BAIAP2L1: variants seen among roughly 807,000 people sequenced by gnomAD.
BAIAP2L1 encodes BAR/IMD domain-containing adapter protein 2-like 1.
Under a neutral mutation model 66.3 loss-of-function variants are expected in BAIAP2L1, and 35 were observed. The observed-to-expected ratio is 0.53, with a 90% confidence interval of 0.40 to 0.70. BAIAP2L1 has a LOEUF of 0.70. Ranked by LOEUF, BAIAP2L1 falls within the 30% of genes least tolerant of loss-of-function variation. The pLI is 0.00. For missense variants in BAIAP2L1, 622 were observed against 656.9 expected (o/e 0.95, Z 0.58); for synonymous variants, 269 against 248.7 (o/e 1.08, Z -0.77).
chr7:98,341,246 C>T (rs896412316), intron 3 of BAIAP2L1, among the ~76,000 whole-genome samples: 1 of 152,160 alleles, frequency 6.6e-6, no homozygotes, highest in East Asian at 1.9e-4. Context: ...GTGATTACAG[C>T]TGAGAAAAAT....
chr7:98,381,067 C>T (rs964383382), intron 1 of BAIAP2L1, among the ~76,000 whole-genome samples: 4 of 152,266 alleles, frequency 2.6e-5, no homozygotes, highest in Non-Finnish European at 2.9e-5. Context: ...CCTATGGAGC[C>T]GTCCACAGCC....
chr7:98,306,654 G>A, intron 10 of BAIAP2L1, 138 bp from the exon 11 acceptor site: 1 of 1,265,328 alleles, frequency 7.9e-7, no homozygotes, highest in Non-Finnish European at 1.1e-6. Flanking sequence ...ATGAAATTAA[G>A]GCTTTTAATA....
chr7:98,376,870 T>C (rs908327479), intron 1 of BAIAP2L1, among the ~76,000 whole-genome samples: 7 of 152,016 alleles, frequency 4.6e-5, no homozygotes, highest in East Asian at 1.9e-4. Context: ...TAACACGGTG[T>C]TGTCTAAACA....
intron 1 of BAIAP2L1, among the ~76,000 whole-genome samples, chr7:98,383,579 G>A (rs759349170): frequency 6.6e-6 from 1 of 151,902 alleles, no homozygotes; most frequent in African/African-American, 2.4e-5. Flanking sequence ...GAGCCACTGC[G>A]CCCGGCCATA....
chr7:98,346,694 C>T lies in BAIAP2L1; in HGVS notation c.214+8348G>A, dbSNP rs1020193859. 3.9e-5 allele frequency among the ~76,000 whole-genome samples: 6 copies of T among 152,196 alleles called. No individual in the cohort carries two copies. The East Asian group carries it at 1.2e-3, about 29-fold the overall frequency. ...TCCCCACAGACAGCCGAGTGTGTAGCTGCGTTGCCTCCTTGTCTCCCAGTG... is the reference window on the plus strand; with the variant it reads ...TCCCCACAGACAGCCGAGTGTGTAGTTGCGTTGCCTCCTTGTCTCCCAGTG... On this transcript the variant is annotated intron_variant, in intron 3 of 13. Transcript: ENST00000005260.
intron 12 of BAIAP2L1, among the ~76,000 whole-genome samples, chr7:98,303,256 AC>A (rs1265910506): frequency 1.3e-5 from 2 of 152,104 alleles, no homozygotes; most frequent in Non-Finnish European, 2.9e-5. Context: ...AAGACACTCC[AC>A]ACCTGGGCAC....
rs145793426 is a variant in BAIAP2L1 at position 98,296,065 on chromosome 7, G to A, written c.1423-1954C>T. Among the ~76,000 whole-genome samples, 189 of 152,168 alleles carry A rather than the reference G, an allele frequency of 1.2e-3. 2 individuals carry two copies. The highest frequency in any genetic ancestry group is 4.3e-3 in the African/African-American group (179 of 41,514). On this transcript the variant is annotated intron_variant, in intron 12 of 13. Coordinates refer to ENST00000005260, the MANE Select transcript of BAIAP2L1 (RefSeq NM_018842.5). The stretch of plus-strand genomic sequence containing the variant: ...CCCAGACCAGAAACACCAGACGCCC[G>A]TCAATGGGAGAGTCAGAACCAGCTT...
intron 11 of BAIAP2L1, among the ~76,000 whole-genome samples, chr7:98,305,942 A>G (rs1291983836): frequency 6.6e-6 from 1 of 152,180 alleles, no homozygotes; most frequent in East Asian, 1.9e-4. Context: ...CAGCACAGGC[A>G]GGAAGGATGG....
chr7:98,362,450 C>T lies in BAIAP2L1; in HGVS notation c.52-18G>A. ...ATAACATTCTGCCAAACAAACAAAACACACAAATTAATAAAATAAAAAATA... is the reference window on the plus strand; with the variant it reads ...ATAACATTCTGCCAAACAAACAAAATACACAAATTAATAAAATAAAAAATA... On this transcript the variant is annotated intron_variant, in intron 1 of 13. Coordinates refer to ENST00000005260, the MANE Select transcript of BAIAP2L1 (RefSeq NM_018842.5). 1 of 1,587,514 alleles carries T rather than the reference C, an allele frequency of 6.3e-7. No homozygotes were observed.
At chr7:98,325,667 G>T (rs974893930) in intron 3 of BAIAP2L1, among the ~76,000 whole-genome samples, 50 of 151,846 alleles carry the variant, frequency 3.3e-4, no homozygotes, top group African/African-American at 1.1e-3. Flanking sequence ...GACAGAGCAA[G>T]ACTTTGTCTC....
At chr7:98,351,836 G>A (rs947171830) in intron 3 of BAIAP2L1, among the ~76,000 whole-genome samples, 1 of 152,200 alleles carries the variant, frequency 6.6e-6, no homozygotes, top group African/African-American at 2.4e-5. Flanking sequence ...AGAGAGCTAA[G>A]TGTAAGTATC....
intron 9 of BAIAP2L1, chr7:98,308,663 A>G (rs556813125): frequency 4.3e-6 from 1 of 233,486 alleles, no homozygotes; most frequent in East Asian, 9.5e-5. Context: ...AAAAGGTAGA[A>G]AAAAATATAT....
At chr7:98,304,631 T>C (rs1336226893) in intron 11 of BAIAP2L1, among the ~76,000 whole-genome samples, 1 of 152,128 alleles carries the variant, frequency 6.6e-6, no homozygotes, top group Non-Finnish European at 1.5e-5. Flanking sequence ...CACTGCAACC[T>C]CTGCCTTCTA....
chr7:98,319,481 GA>G (rs1383521335), intron 5 of BAIAP2L1, among the ~76,000 whole-genome samples: 2 of 151,902 alleles, frequency 1.3e-5, no homozygotes, highest in African/African-American at 4.8e-5. Flanking sequence ...CCTACAGCGT[GA>G]ATGTATTCTG....
intron 3 of BAIAP2L1, among the ~76,000 whole-genome samples, chr7:98,346,840 A>C (rs898922422): frequency 6.6e-6 from 1 of 152,232 alleles, no homozygotes; most frequent in Non-Finnish European, 1.5e-5. Flanking sequence ...GAATTAGAGA[A>C]GAAACAGCTG....
chr7:98,367,533 G>C (rs1562786786), intron 1 of BAIAP2L1, among the ~76,000 whole-genome samples: 1 of 75,696 alleles, frequency 1.3e-5, no homozygotes, highest in East Asian at 4.0e-4. Context: ...ACCACACCTG[G>C]CTTTTTTTTT....
chr7:98,292,689 G>C lies in BAIAP2L1; in HGVS notation c.*832C>G. 5 of 1,551,614 alleles carry C rather than the reference G, an allele frequency of 3.2e-6. No individual in the cohort carries two copies. Among genetic ancestry groups the C allele is most frequent in the Non-Finnish European group, 3.5e-6 (4 of 1,146,982 alleles). ...ACGTATCCTTTGAGAGTCTGTACCT[G>C]ATTCAAACACGGAGAAACCAGGACC... On this transcript the variant is annotated 3_prime_UTR_variant, in exon 14 of 14. Coordinates refer to ENST00000005260, the MANE Select transcript of BAIAP2L1 (RefSeq NM_018842.5).
chr7:98,367,058 ATTTTT>A (rs71292948), intron 1 of BAIAP2L1, among the ~76,000 whole-genome samples: 14 of 144,462 alleles, frequency 9.7e-5, no homozygotes, highest in African/African-American at 3.6e-4. Flanking sequence ...AGGTAATTAA[ATTTTT>A]TTTTTTTTTT....
intron 5 of BAIAP2L1, among the ~76,000 whole-genome samples, chr7:98,317,657 T>G (rs1014787621): frequency 1.3e-5 from 2 of 151,678 alleles, no homozygotes; most frequent in East Asian, 3.9e-4. Context: ...ATCCACACAC[T>G]GGCTGGGACC....
Sources: gnomAD v4.1 joint callset for allele counts (sites outside exome capture counted in the v4.1 genomes callset) on GRCh38, gnomAD v4.1.1 for gene constraint, MANE v1.5 for transcripts, NCBI Gene and HGNC (gene_info 2026-07-23, HGNC 2026-07-21) for gene names.